ARMC10: variants seen among roughly 807,000 people sequenced by gnomAD.
ARMC10 encodes armadillo repeat-containing protein 10.
A neutral mutation model predicts 30.2 loss-of-function variants in ARMC10; 23 were observed. The ratio of observed to expected loss-of-function variants is 0.76; its 90% CI spans 0.55 to 1.08. ARMC10 has a LOEUF of 1.08. Ranked by LOEUF, ARMC10 falls within the 50% of genes least tolerant of loss-of-function variation. The pLI is 0.00. For synonymous variants in ARMC10, 111 were observed against 164.4 expected (o/e 0.68, Z 2.48); for missense variants, 303 against 413.7 (o/e 0.73, Z 2.32).
chr7:103,077,184 C>G (rs1319487554), intron 2 of ARMC10, among the ~76,000 whole-genome samples: 1 of 152,188 alleles, frequency 6.6e-6, no homozygotes, highest in South Asian at 2.1e-4. Context: ...AGCCTCCTCA[C>G]CTGGCCAATA....
Position 103,092,496 on chromosome 7 carries a change from G to A in ARMC10, c.548G>A (p.Cys183Tyr), listed in dbSNP as rs754173835. 3 of 1,589,518 alleles carry A rather than the reference G, an allele frequency of 1.9e-6. No individual in the cohort carries two copies. Among genetic ancestry groups the A allele is most frequent in the South Asian group, 2.2e-5 (2 of 89,818 alleles). ...CTTCAGATATACATCAGTCAAGTAT[G>A]TGAGGATGTCTTCTCTGGTCCTCTG... ...IKIKIYISQV[C>Y]EDVFSGPLNS... The change falls in exon 5 of 7, where the codon TGT (cysteine) becomes TAT (tyrosine). Residue 183 changes from cysteine (C) to tyrosine (Y), a missense_variant. Physicochemically the swap from Cys to Tyr is radical, Grantham distance 194. Around this residue, in one of 4 missense-constraint regions of ARMC10, gnomAD observed 170 missense variants for 207.2 expected, o/e 0.82. Coordinates refer to ENST00000323716, the MANE Select transcript of ARMC10 (RefSeq NM_031905.5).
intron 3 of ARMC10, among the ~76,000 whole-genome samples, chr7:103,085,606 C>CTTTTTTTTTTTTTTTTTTTTTT (rs10581217): frequency 1.5e-5 from 2 of 130,586 alleles, no homozygotes; most frequent in Admixed American, 7.8e-5. Flanking sequence ...CATTTCTCTT[C>CTTTTTTTTTTTTTTTTTTTTTT]TTTTTTTTTT....
intron 4 of ARMC10, among the ~76,000 whole-genome samples, chr7:103,091,777 G>A (rs2129523778): frequency 1.3e-5 from 2 of 152,280 alleles, no homozygotes; most frequent in East Asian, 3.9e-4. Flanking sequence ...CTCCAACCAG[G>A]GAGAAGCCAC....
rs568324383 is a variant in ARMC10 at position 103,090,654 on chromosome 7, C to T, written c.529-1823C>T. On this transcript the variant is annotated intron_variant, in intron 4 of 6. Coordinates refer to ENST00000323716, the MANE Select transcript of ARMC10 (RefSeq NM_031905.5). ...CTGGGATTACAGGTGCCCACCACCACGCTTGCAATTTTTTGTATTTTTAAT... is the reference window on the plus strand; with the variant it reads ...CTGGGATTACAGGTGCCCACCACCATGCTTGCAATTTTTTGTATTTTTAAT... Among the ~76,000 whole-genome samples the T allele has an allele frequency of 1.4e-4, 21 of 150,700 alleles. No homozygotes were observed. In the South Asian group the frequency reaches 2.1e-3, roughly 15 times the overall value.
chr7:103,086,814 A>T, intron 4 of ARMC10, 50 bp downstream of exon 4: 1 of 1,578,308 alleles, frequency 6.3e-7, no homozygotes, highest in Non-Finnish European at 8.6e-7. Context: ...TAAATAAAAA[A>T]TAACAAAAAG....
At chr7:103,087,663 A>G (rs1253421181) in intron 4 of ARMC10, 4 of 496,888 alleles carry the variant, frequency 8.1e-6, no homozygotes, top group African/African-American at 4.2e-5. Flanking sequence ...TGCTCCTATG[A>G]AGAAAAAAAC....
intron 5 of ARMC10, among the ~76,000 whole-genome samples, chr7:103,095,419 C>A (rs1801680793): frequency 6.6e-6 from 1 of 152,198 alleles, no homozygotes; most frequent in Non-Finnish European, 1.5e-5. Context: ...TAATCGTGAT[C>A]ATTTCTGGTT....
chr7:103,076,540 TTAAA>T lies in ARMC10; in HGVS notation c.244+660_244+663del, dbSNP rs1465066523. On this transcript the variant is annotated intron_variant, in intron 2 of 6. Coordinates refer to ENST00000323716, the MANE Select transcript of ARMC10 (RefSeq NM_031905.5). ...AACTGGCCAAATGCTTATTTCACTT[TTAAA>T]AAGATTTACAGGCTGGGTGTGGTGG... 2.6e-5 allele frequency among the ~76,000 whole-genome samples: 4 copies of T among 152,264 alleles called. No homozygotes were observed. The East Asian group carries it at 7.7e-4, about 29-fold the overall frequency.
intron 3 of ARMC10, among the ~76,000 whole-genome samples, chr7:103,085,368 A>G (rs1800745352): frequency 6.6e-6 from 1 of 152,126 alleles, no homozygotes; most frequent in African/African-American, 2.4e-5. Context: ...CTTAACGGTA[A>G]AATGGAGTAT....
chr7:103,083,529 G>A (rs1305285047), intron 2 of ARMC10, among the ~76,000 whole-genome samples, 153 bp from the exon 3 acceptor site: 2 of 152,180 alleles, frequency 1.3e-5, no homozygotes, highest in Admixed American at 6.5e-5. Flanking sequence ...GGGAGGCTGA[G>A]GCAGGAAGAT....
At chr7:103,083,637 C>A in intron 2 of ARMC10, 45 bp from the exon 3 acceptor site, 2 of 1,546,126 alleles carry the variant, frequency 1.3e-6, no homozygotes, top group South Asian at 1.1e-5. Flanking sequence ...AAAATAACCT[C>A]GTATTGATTT....
Position 103,083,844 on chromosome 7 carries a change from C to T in ARMC10, c.393+14C>T. The T allele has an allele frequency of 6.2e-7, 1 of 1,611,678 alleles. No individual in the cohort carries two copies. The highest frequency in any genetic ancestry group is 8.5e-7 in the Non-Finnish European group (1 of 1,179,038). On this transcript the variant is annotated intron_variant, in intron 3 of 6. Transcript: ENST00000323716. The stretch of plus-strand genomic sequence containing the variant: ...TCAGTTAACCAAGTAAGTACCTCAA[C>T]TCAGCAAGCAAGCTCTTTCCATTCT...
chr7:103,078,681 T>G (rs956947129), intron 2 of ARMC10, among the ~76,000 whole-genome samples: 1 of 152,212 alleles, frequency 6.6e-6, no homozygotes, highest in Non-Finnish European at 1.5e-5. Context: ...TTTTGTTTTT[T>G]TTTGAGACGG....
Position 103,083,820 on chromosome 7 carries a change from C to G in ARMC10, c.383C>G (p.Ser128Ter). Residue 128 changes from serine to a stop codon, truncating the protein, a stop_gained, in exon 3 of 7, where the codon TCA becomes TGA. Coordinates refer to ENST00000323716, the MANE Select transcript of ARMC10 (RefSeq NM_031905.5). LOFTEE classifies it high-confidence loss of function. The part of the protein sequence containing the change: ...LITLGNNAAF[S>*]VNQAIIRELG... ...ACTTTGGGTAACAATGCAGCCTTTT[C>G]AGTTAACCAAGTAAGTACCTCAACT... 6.2e-7 allele frequency: 1 copy of G among 1,613,732 alleles called. No individual in the cohort carries two copies. Among genetic ancestry groups the G allele is most frequent in the Non-Finnish European group, 8.5e-7 (1 of 1,179,868 alleles).
At chr7:103,086,859 A>C (rs1251115496) in intron 4 of ARMC10, 95 bp downstream of exon 4, 7 of 1,547,868 alleles carry the variant, frequency 4.5e-6, no homozygotes, top group Non-Finnish European at 6.1e-6. Context: ...TATCCTTTGT[A>C]ATTTTACAGC....
chr7:103,075,196 T>A lies in ARMC10; in HGVS notation c.-77T>A. 9.5e-7 allele frequency: 1 copy of A among 1,051,470 alleles called. No individual in the cohort carries two copies. Among genetic ancestry groups the A allele is most frequent in the Non-Finnish European group, 1.2e-6 (1 of 856,888 alleles). The allele number at this position is 1,051,470 out of a possible 1,614,324, so 65.1% of individuals were successfully genotyped here. On this transcript the variant is annotated 5_prime_UTR_variant, in exon 1 of 7. Coordinates refer to ENST00000323716, the MANE Select transcript of ARMC10 (RefSeq NM_031905.5). ...GTTTGCTGTGGCGGCTAGGCCCGCG[T>A]GCGCTGGAGACCTCCGCGCTGGCCC...
chr7:103,082,908 A>C (rs567194798), intron 2 of ARMC10, among the ~76,000 whole-genome samples: 1 of 152,202 alleles, frequency 6.6e-6, no homozygotes, highest in Non-Finnish European at 1.5e-5. Flanking sequence ...CAGCAGGACT[A>C]TTATTCTAGG....
rs1162247425 is a variant in ARMC10, at chr7:103,086,665, T to G, written c.429T>G (p.Val143=). 6.3e-7 allele frequency: 1 copy of G among 1,593,172 alleles called. No homozygotes were observed. ...GTGAATTGGGTGGTATTCCAATTGT[T>G]GCAAACAAAATCAACCATTCCAACC... ...IIRELGGIPI[V]ANKINHSNQS... The change falls in exon 4 of 7, where the codon GTT becomes GTG. Residue 143 remains valine (V), a synonymous_variant. Transcript: ENST00000323716.
chr7:103,085,606 C>CTTT (rs10581217), intron 3 of ARMC10, among the ~76,000 whole-genome samples: 42 of 130,582 alleles, frequency 3.2e-4, no homozygotes, highest in African/African-American at 1.1e-3. Flanking sequence ...CATTTCTCTT[C>CTTT]TTTTTTTTTT....
Sources: allele counts gnomAD v4.1 joint callset (sites outside exome capture counted in the v4.1 genomes callset), GRCh38; gene constraint gnomAD v4.1.1; regional missense constraint gnomAD v4.1.1; transcripts MANE v1.5; gene names NCBI Gene and HGNC (gene_info 2026-07-23, HGNC 2026-07-21).